NXPH1: variants seen among roughly 807,000 people sequenced by gnomAD.
The protein encoded by NXPH1 is neurexophilin 1.
Under a neutral mutation model 23.7 loss-of-function variants are expected in NXPH1, and 5 were observed. The observed-to-expected ratio is 0.21, with a 90% CI of 0.11 to 0.44. The LOEUF (loss-of-function observed/expected upper bound fraction) is 0.44, where lower values mean the gene tolerates loss of function less well. Among genes scored for constraint, NXPH1 ranks in the 20% least tolerant of loss-of-function variants. The pLI is 0.99. For synonymous variants in NXPH1, 144 were observed against 122.2 expected (o/e 1.18, Z -1.18); for missense variants, 324 against 321.6 (o/e 1.01, Z -0.06).
chr7:8,738,535 C>G (rs1291321665), intron 2 of NXPH1, among the ~76,000 whole-genome samples: 1 of 152,166 alleles, frequency 6.6e-6, no homozygotes, highest in Non-Finnish European at 1.5e-5. Flanking sequence ...CCAGCTGGAG[C>G]TCTCCTATAT....
At chr7:8,579,591 C>T (rs1818826719) in intron 2 of NXPH1, among the ~76,000 whole-genome samples, 1 of 152,132 alleles carries the variant, frequency 6.6e-6, no homozygotes, top group Non-Finnish European at 1.5e-5. Flanking sequence ...AGACTGGTCT[C>T]AAACTCCTGA....
intron 2 of NXPH1, among the ~76,000 whole-genome samples, chr7:8,675,540 G>A (rs1562451141): frequency 6.6e-6 from 1 of 152,120 alleles, no homozygotes; most frequent in Non-Finnish European, 1.5e-5. Flanking sequence ...GCCAGGAACA[G>A]TGTCAGGTAC....
intron 2 of NXPH1, among the ~76,000 whole-genome samples, chr7:8,641,910 A>C (rs1820320361): frequency 6.6e-6 from 1 of 152,170 alleles, no homozygotes; most frequent in Non-Finnish European, 1.5e-5. Context: ...GAATGTGTGA[A>C]ACTTCTACAA....
At position 8,511,830 on chromosome 7, in the gene NXPH1, G is replaced by A. The variant is rs540860692; in HGVS notation, c.54+76063G>A. Among the ~76,000 whole-genome samples, 8 of 152,234 alleles carry A rather than the reference G, an allele frequency of 5.3e-5. No homozygotes were observed. The East Asian group carries it at 1.5e-3, about 29-fold the overall frequency. The stretch of plus-strand genomic sequence containing the variant: ...ATTCTGGCACAATTTCAGTCCTGGT[G>A]CAGGCAGCTTCAATAAGACATGGTC... On this transcript the variant is annotated intron_variant, in intron 2 of 2. Transcript: ENST00000405863.
chr7:8,671,095 C>A (rs10246065), intron 2 of NXPH1, among the ~76,000 whole-genome samples: 110,126 of 152,032 alleles, frequency 0.72, 40,366 homozygotes, highest in East Asian at 1. Context: ...TAAAGGCTAC[C>A]CATTTTTCAG....
chr7:8,518,714 G>A (rs1341441232), intron 2 of NXPH1, among the ~76,000 whole-genome samples: 1 of 152,020 alleles, frequency 6.6e-6, no homozygotes, highest in African/African-American at 2.4e-5. Context: ...TCAAACTCCT[G>A]GCCTCAAGCA....
intron 2 of NXPH1, among the ~76,000 whole-genome samples, chr7:8,618,079 A>T (rs1296127584): frequency 1.3e-5 from 2 of 152,138 alleles, no homozygotes; most frequent in Non-Finnish European, 2.9e-5. Flanking sequence ...AACTAAACTG[A>T]TGAGTGTCAC....
intron 2 of NXPH1, among the ~76,000 whole-genome samples, chr7:8,559,114 T>A (rs1413346088): frequency 1.3e-5 from 2 of 151,522 alleles, no homozygotes; most frequent in Non-Finnish European, 1.5e-5. Context: ...ATAGGTACCA[T>A]GCATGGCTGA....
intron 2 of NXPH1, among the ~76,000 whole-genome samples, chr7:8,447,023 A>G (rs2128604890): frequency 6.6e-6 from 1 of 152,296 alleles, no homozygotes; most frequent in Non-Finnish European, 1.5e-5. Context: ...ATGCTGCCCA[A>G]TACTTGATGG....
At chr7:8,688,830 A>G (rs943024373) in intron 2 of NXPH1, among the ~76,000 whole-genome samples, 6 of 152,198 alleles carry the variant, frequency 3.9e-5, no homozygotes, top group Non-Finnish European at 8.8e-5. Flanking sequence ...AATTTATCAG[A>G]AAGTAATTGA....
chr7:8,695,337 A>G (rs1449232854), intron 2 of NXPH1, among the ~76,000 whole-genome samples: 2 of 152,198 alleles, frequency 1.3e-5, no homozygotes, highest in Non-Finnish European at 2.9e-5. Context: ...AAAGCCACAC[A>G]ATTAGTGATT....
Position 8,709,615 on chromosome 7 carries a change from T to C in NXPH1, c.55-41393T>C, listed in dbSNP as rs1417372646. ...GCCAGAAACATGGACTAATATGTTT[T>C]ATAAAGAATTTAAACAAGGGTGGAA... is the stretch of plus-strand genomic sequence containing the variant. On this transcript the variant is annotated intron_variant, in intron 2 of 2. Coordinates refer to ENST00000405863, the MANE Select transcript of NXPH1 (RefSeq NM_152745.3). Among the ~76,000 whole-genome samples the C allele has an allele frequency of 3.9e-5, 6 of 152,208 alleles. No homozygotes were observed. In the East Asian group the frequency reaches 1.2e-3, roughly 29 times the overall value.
At chr7:8,503,086 C>T (rs1817462838) in intron 2 of NXPH1, among the ~76,000 whole-genome samples, 2 of 151,988 alleles carry the variant, frequency 1.3e-5, no homozygotes, top group East Asian at 1.9e-4. Flanking sequence ...TTTGCTTACA[C>T]CAGCTGGCAA....
At chr7:8,736,373 C>A (rs1780255740) in intron 2 of NXPH1, among the ~76,000 whole-genome samples, 1 of 152,134 alleles carries the variant, frequency 6.6e-6, no homozygotes, top group Non-Finnish European at 1.5e-5. Flanking sequence ...TTTCGGCCTT[C>A]ATTTTGTTAT....
intron 2 of NXPH1, among the ~76,000 whole-genome samples, chr7:8,551,899 A>G (rs181628313): frequency 3.2e-4 from 48 of 151,468 alleles, no homozygotes; most frequent in Non-Finnish European, 4.7e-4. Flanking sequence ...TCAGCTTCCA[A>G]TTTGTTCAAG....
intron 2 of NXPH1, among the ~76,000 whole-genome samples, chr7:8,548,381 C>T (rs553560622): frequency 6.6e-6 from 1 of 151,546 alleles, no homozygotes; most frequent in Admixed American, 6.6e-5. Context: ...CTGCATGGAC[C>T]CATTCTTTGT....
chr7:8,488,855 C>G (rs979170007), intron 2 of NXPH1, among the ~76,000 whole-genome samples: 1 of 152,122 alleles, frequency 6.6e-6, no homozygotes, highest in South Asian at 2.1e-4. Flanking sequence ...ATAAAAACAG[C>G]TAATGCCATT....
chr7:8,693,534 C>G (rs1237597617), intron 2 of NXPH1, among the ~76,000 whole-genome samples: 1 of 152,196 alleles, frequency 6.6e-6, no homozygotes, highest in Non-Finnish European at 1.5e-5. Context: ...TCTTTTAAAA[C>G]TTTGTTTCCT....
At chr7:8,520,933 A>G (rs1373512791) in intron 2 of NXPH1, among the ~76,000 whole-genome samples, 1 of 152,142 alleles carries the variant, frequency 6.6e-6, no homozygotes, top group African/African-American at 2.4e-5. Context: ...GTTGATTGAG[A>G]CAGCCACAAG....
Sources: allele counts gnomAD v4.1 joint callset (sites outside exome capture counted in the v4.1 genomes callset), GRCh38; gene constraint gnomAD v4.1.1; transcripts MANE v1.5; gene names NCBI Gene and HGNC (gene_info 2026-07-23, HGNC 2026-07-21).